The following SS18 variants were observed in gnomAD, a reference collection of about 807,000 sequenced individuals.
SS18 encodes the protein protein SSXT.
SS18 carries 28 observed loss-of-function variants against 72.5 expected under a neutral mutation model. The ratio of observed to expected loss-of-function variants is 0.39; its 90% CI spans 0.29 to 0.53. The LOEUF (loss-of-function observed/expected upper bound fraction) is 0.53, where lower values mean the gene tolerates loss of function less well. Among genes scored for constraint, SS18 ranks in the 20% least tolerant of loss-of-function variants. The pLI, the probability that SS18 is intolerant of heterozygous loss-of-function variation, is 0.76. For missense variants in SS18, 518 were observed against 535.3 expected (o/e 0.97, Z 0.32); for synonymous variants, 172 against 164.2 (o/e 1.05, Z -0.37).
chr18:26,036,621 C>T (rs1198384365), intron 7 of SS18, among the ~76,000 whole-genome samples: 1 of 135,662 alleles, frequency 7.4e-6, no homozygotes, highest in Non-Finnish European at 1.5e-5. Context: ...GAAAAATACT[C>T]TCACTCTTTT....
intron 3 of SS18, among the ~76,000 whole-genome samples, chr18:26,069,974 A>G (rs2054285663): frequency 6.6e-6 from 1 of 152,208 alleles, no homozygotes; most frequent in Non-Finnish European, 1.5e-5. Flanking sequence ...ACACAAAAAA[A>G]TAGTCACACT....
At chr18:26,059,525 A>G (rs1252327802) in intron 3 of SS18, among the ~76,000 whole-genome samples, 1 of 152,204 alleles carries the variant, frequency 6.6e-6, no homozygotes, top group Non-Finnish European at 1.5e-5. Flanking sequence ...GCTGCTGCTC[A>G]CTGATATGGA....
intron 3 of SS18, among the ~76,000 whole-genome samples, chr18:26,064,556 T>A (rs891007714): frequency 6.6e-6 from 1 of 152,026 alleles, no homozygotes; most frequent in Non-Finnish European, 1.5e-5. Flanking sequence ...AAGAATTTAA[T>A]GAAATTCAAT....
At chr18:26,041,622 A>T (rs1483822984) in intron 5 of SS18, among the ~76,000 whole-genome samples, 1 of 152,226 alleles carries the variant, frequency 6.6e-6, no homozygotes, top group Non-Finnish European at 1.5e-5. Flanking sequence ...CATTTTCAGT[A>T]AATGAAGGTT....
chr18:26,046,892 A>G (rs995741854), intron 5 of SS18, among the ~76,000 whole-genome samples: 4 of 152,238 alleles, frequency 2.6e-5, no homozygotes, highest in Admixed American at 2.6e-4. Flanking sequence ...GGCATCTGTT[A>G]TTTATGTAGT....
intron 5 of SS18, among the ~76,000 whole-genome samples, chr18:26,048,244 T>C (rs2053863514): frequency 6.6e-6 from 1 of 152,240 alleles, no homozygotes; most frequent in African/African-American, 2.4e-5. Context: ...ATTTTAATAA[T>C]TCTATTTCTA....
chr18:26,043,186 A>G (rs1252460756), intron 5 of SS18, among the ~76,000 whole-genome samples: 2 of 152,154 alleles, frequency 1.3e-5, no homozygotes, highest in Non-Finnish European at 2.9e-5. Context: ...TACTGCTACG[A>G]AAGGCTCTAA....
At chr18:26,070,587 G>C (rs2054294678) in intron 3 of SS18, among the ~76,000 whole-genome samples, 1 of 152,142 alleles carries the variant, frequency 6.6e-6, no homozygotes, top group Non-Finnish European at 1.5e-5. Flanking sequence ...TAGTGCACTG[G>C]CATTAGAAGT....
chr18:26,060,163 G>C (rs2054093588), intron 3 of SS18, among the ~76,000 whole-genome samples: 1 of 152,324 alleles, frequency 6.6e-6, no homozygotes, highest in South Asian at 2.1e-4. Flanking sequence ...ACCTACTGAT[G>C]AATGGATAAA....
intron 2 of SS18, chr18:26,084,012 A>G (rs2054574356): frequency 6.6e-6 from 1 of 152,158 alleles, no homozygotes; most frequent in African/African-American, 2.4e-5. Flanking sequence ...TCATTCTCCA[A>G]AAAAAGAACC....
At chr18:26,034,961 A>G in intron 9 of SS18, 44 bp downstream of exon 9, 1 of 1,580,438 alleles carries the variant, frequency 6.3e-7, no homozygotes, top group Non-Finnish European at 8.6e-7. Flanking sequence ...TAAAACAATC[A>G]GCACATTTTT....
chr18:26,090,271 G>T (rs1374493889), intron 1 of SS18: 1 of 557,222 alleles, frequency 1.8e-6, no homozygotes, highest in African/African-American at 2.0e-5. Flanking sequence ...TTGGGCTTTT[G>T]TGTCTGTAGA....
chr18:26,042,543 T>A (rs977234934), intron 5 of SS18, among the ~76,000 whole-genome samples: 1 of 151,968 alleles, frequency 6.6e-6, no homozygotes, highest in Non-Finnish European at 1.5e-5. Context: ...TTTAAACACA[T>A]GTAAAAACCT....
intron 5 of SS18, among the ~76,000 whole-genome samples, chr18:26,040,448 T>C (rs1038946978): frequency 3.3e-5 from 5 of 152,120 alleles, no homozygotes; most frequent in African/African-American, 1.2e-4. Flanking sequence ...CTTATATAGC[T>C]ACATACTCCT....
chr18:26,066,602 A>G (rs866401053), intron 3 of SS18, among the ~76,000 whole-genome samples: 53 of 129,170 alleles, frequency 4.1e-4, no homozygotes, highest in South Asian at 2.1e-3. Context: ...AAATTTGTGC[A>G]CACACACACA....
At chr18:26,024,931 T>G (rs1249503048) in intron 10 of SS18, among the ~76,000 whole-genome samples, 1 of 133,424 alleles carries the variant, frequency 7.5e-6, no homozygotes, top group African/African-American at 2.9e-5. Context: ...AAATATAATT[T>G]AAATATAAAA....
At chr18:26,072,349 T>C (rs567255769) in intron 3 of SS18, among the ~76,000 whole-genome samples, 32 of 136,338 alleles carry the variant, frequency 2.3e-4, no homozygotes, top group Middle Eastern at 3.6e-3. Context: ...ATTGCTAGAC[T>C]GAGTTAAAAA....
At chr18:26,067,217 C>T (rs1448630708) in intron 3 of SS18, among the ~76,000 whole-genome samples, 1 of 152,122 alleles carries the variant, frequency 6.6e-6, no homozygotes, top group African/African-American at 2.4e-5. Context: ...AATGTTTTAA[C>T]TAGACACCTT....
chr18:26,018,467 T>A (rs2053287012), intron 10 of SS18, 87 bp from the exon 11 acceptor site: 1 of 1,082,538 alleles, frequency 9.2e-7, no homozygotes, highest in Admixed American at 2.5e-5. Flanking sequence ...TCTAACACTG[T>A]CATACCACAA....
Sources: allele counts gnomAD v4.1 joint callset (sites outside exome capture counted in the v4.1 genomes callset), GRCh38; gene constraint gnomAD v4.1.1; transcripts MANE v1.5; gene names NCBI Gene and HGNC (gene_info 2026-07-23, HGNC 2026-07-21).